The following COX7A2 variants were observed in gnomAD, a reference collection of about 807,000 sequenced individuals.
The protein encoded by COX7A2 is cytochrome c oxidase subunit 7A2.
A neutral mutation model predicts 11.6 loss-of-function variants in COX7A2; 11 were observed. The ratio of observed to expected loss-of-function variants is 0.95; its 90% CI spans 0.60 to 1.57. The LOEUF (loss-of-function observed/expected upper bound fraction) is 1.57, where lower values mean the gene tolerates loss of function less well. Ranked by LOEUF, COX7A2 falls within the 40% of genes most tolerant of loss-of-function variation. The pLI, the probability that COX7A2 is intolerant of heterozygous loss-of-function variation, is 0.00. For synonymous variants in COX7A2, 30 were observed against 38.2 expected (o/e 0.78, Z 0.79); for missense variants, 106 against 100.9 (o/e 1.05, Z -0.22).
At chr6:75,240,419 A>G (rs1440583776) in intron 2 of COX7A2, 34 bp from the exon 3 acceptor site, 1 of 1,401,476 alleles carries the variant, frequency 7.1e-7, no homozygotes, top group Non-Finnish European at 9.8e-7. Context: ...AGACAATAAT[A>G]AATGTCTCAC....
Position 75,237,796 on chromosome 6 carries a change from G to A in COX7A2, c.*134C>T. Reference sequence around the variant, plus strand: ...ATAAAATCAGACAAAGCATGGTAAAGACTGCTTTATTGGTGGCAGTTACTA... The same window carrying A: ...ATAAAATCAGACAAAGCATGGTAAAAACTGCTTTATTGGTGGCAGTTACTA... On this transcript the variant is annotated 3_prime_UTR_variant, in exon 4 of 4. Transcript: ENST00000684430. 2 of 551,148 alleles carry A rather than the reference G, an allele frequency of 3.6e-6. No individual in the cohort carries two copies. Among genetic ancestry groups the A allele is most frequent in the East Asian group, 5.9e-5 (2 of 33,738 alleles). 34.1% of individuals were successfully genotyped at this position (551,148 alleles called of 1,614,324 possible).
intron 3 of COX7A2, among the ~76,000 whole-genome samples, chr6:75,239,725 T>C (rs901200074): frequency 1.3e-5 from 2 of 152,220 alleles, no homozygotes; most frequent in Non-Finnish European, 2.9e-5. Flanking sequence ...GACTGAAATA[T>C]AGCCTTCACT....
upstream of COX7A2, among the ~76,000 whole-genome samples, chr6:75,247,786 C>T (rs1293973820): frequency 3.3e-5 from 5 of 152,046 alleles, no homozygotes; most frequent in Admixed American, 3.3e-4. Context: ...TTATTTAACC[C>T]TGTATATTAT....
At chr6:75,241,583 C>G (rs1771501580) in intron 1 of COX7A2, among the ~76,000 whole-genome samples, 2 of 152,200 alleles carry the variant, frequency 1.3e-5, no homozygotes, top group Non-Finnish European at 2.9e-5. Flanking sequence ...TATTGACATA[C>G]ACATATTACA....
chr6:75,238,003 C>T lies in COX7A2; in HGVS notation c.194-15G>A. On this transcript the variant is annotated splice_polypyrimidine_tract_variant and intron_variant, in intron 3 of 3. Coordinates refer to ENST00000684430, the MANE Select transcript of COX7A2 (RefSeq NM_001366293.2). Reference sequence around the variant, plus strand: ...ATATGCTGTTCCTAAAAATAAAAAACAAAAAAGAACTTAACCATAAATTCT... The same window carrying T: ...ATATGCTGTTCCTAAAAATAAAAAATAAAAAAGAACTTAACCATAAATTCT... The T allele has an allele frequency of 6.7e-7, 1 of 1,495,508 alleles. No homozygotes were observed. The allele number at this position is 1,495,508 out of a possible 1,614,324, so 92.6% of individuals were successfully genotyped here. A position where few individuals can be genotyped will look rare whatever the true frequency, so the allele number is the denominator to read the frequency against.
chr6:75,242,751 G>A (rs1262098540), intron 1 of COX7A2, among the ~76,000 whole-genome samples: 3 of 151,934 alleles, frequency 2.0e-5, no homozygotes, highest in African/African-American at 4.8e-5. Context: ...ACCTGGAGAC[G>A]GAAATTGCAG....
chr6:75,248,503 C>T (rs533840718), upstream of COX7A2, among the ~76,000 whole-genome samples: 2 of 152,208 alleles, frequency 1.3e-5, no homozygotes, highest in East Asian at 1.9e-4. Flanking sequence ...GGAAGTCCCC[C>T]GCTTTGAGTT....
chr6:75,249,811 C>G (rs1771752234), intron 1 of COX7A2, among the ~76,000 whole-genome samples: 1 of 152,118 alleles, frequency 6.6e-6, no homozygotes, highest in African/African-American at 2.4e-5. Flanking sequence ...AAAATCGGAG[C>G]CCTATTTCAA....
chr6:75,241,229 C>T lies in COX7A2; in HGVS notation c.55G>A (p.Ala19Thr). The change falls in exon 2 of 4, where the codon GCT (alanine) becomes ACT (threonine). Residue 19 changes from alanine to threonine, a missense_variant. Ala to Thr is a moderately conservative substitution (Grantham distance 58). Coordinates refer to ENST00000684430, the MANE Select transcript of COX7A2 (RefSeq NM_001366293.2). Reference sequence around the variant, plus strand: ...TTATTTTTAAAATGCCTGCGGGAAGCAGTGCTTATCGTCCTCTGCCCAATC... The same window carrying T: ...TTATTTTTAAAATGCCTGCGGGAAGTAGTGCTTATCGTCCTCTGCCCAATC... The part of the protein sequence containing the change: ...RQIGQRTIST[A>T]SRRHFKNKVP... The T allele has an allele frequency of 1.3e-6, 2 of 1,590,054 alleles. No homozygotes were observed. Among genetic ancestry groups the T allele is most frequent in the Non-Finnish European group, 1.7e-6 (2 of 1,162,366 alleles).
upstream of COX7A2, among the ~76,000 whole-genome samples, chr6:75,248,502 C>T (rs1771725282): frequency 6.6e-6 from 1 of 152,312 alleles, no homozygotes; most frequent in East Asian, 1.9e-4. Flanking sequence ...TGGAAGTCCC[C>T]CGCTTTGAGT....
At chr6:75,242,439 G>A (rs1418171328) in intron 1 of COX7A2, among the ~76,000 whole-genome samples, 1 of 152,160 alleles carries the variant, frequency 6.6e-6, no homozygotes, top group Non-Finnish European at 1.5e-5. Flanking sequence ...CCAGGAGGCG[G>A]GGTTTGCAGT....
chr6:75,245,083 G>A (rs573366597), upstream of COX7A2, among the ~76,000 whole-genome samples: 10 of 152,310 alleles, frequency 6.6e-5, no homozygotes, highest in South Asian at 2.1e-4. Context: ...TTTCCCAAGC[G>A]CAGAGATGAT....
intron 1 of COX7A2, 29 bp downstream of exon 1, chr6:75,243,688 T>C: frequency 2.5e-6 from 4 of 1,605,440 alleles, no homozygotes; most frequent in Non-Finnish European, 3.4e-6. Context: ...CTCGCCCCCA[T>C]CATGAATGCA....
chr6:75,241,347 A>G, intron 1 of COX7A2, 82 bp from the exon 2 acceptor site: 1 of 1,256,170 alleles, frequency 8.0e-7, no homozygotes, highest in African/African-American at 1.5e-5. Context: ...CATATTATAG[A>G]AAAGGTAAAT....
chr6:75,238,815 CTTT>C (rs544006391), intron 3 of COX7A2, among the ~76,000 whole-genome samples: 1 of 144,346 alleles, frequency 6.9e-6, no homozygotes, highest in Non-Finnish European at 1.5e-5. Flanking sequence ...AGGGCTTTAT[CTTT>C]TTTTTTCTTT....
At chr6:75,250,130 G>C (rs907270725) in exon 1 of COX7A2, 1 of 152,204 alleles carries the variant, frequency 6.6e-6, no homozygotes, top group Non-Finnish European at 1.5e-5. Context: ...GATTATTCCT[G>C]TTTTGACCTT....
At chr6:75,247,177 T>C (rs1350744665), upstream of COX7A2, among the ~76,000 whole-genome samples, 2 of 152,138 alleles carry the variant, frequency 1.3e-5, no homozygotes, top group Non-Finnish European at 2.9e-5. Context: ...TAATTACTGA[T>C]GCAAAGTTAC....
At position 75,243,581 on chromosome 6, in the gene COX7A2, A is replaced by G. The variant is rs557670331; in HGVS notation, c.18+136T>C. The G allele has an allele frequency of 1.1e-4, 84 of 752,548 alleles. No individual in the cohort carries two copies. The South Asian group carries it at 1.3e-3, about 11-fold the overall frequency. 46.6% of individuals were successfully genotyped at this position (752,548 alleles called of 1,614,324 possible). A position where few individuals can be genotyped will look rare whatever the true frequency, so the allele number is the denominator to read the frequency against. On this transcript the variant is annotated intron_variant, in intron 1 of 3. Coordinates refer to ENST00000684430, the MANE Select transcript of COX7A2 (RefSeq NM_001366293.2). ...GACGGAAGGGAAAGTAAGGTCAGGG[A>G]AAAAGGACACGAATCAAGGTGACTT...
chr6:75,243,542 G>A (rs1771589144), intron 1 of COX7A2, among the ~76,000 whole-genome samples, 175 bp downstream of exon 1: 6 of 152,044 alleles, frequency 3.9e-5, no homozygotes, highest in Admixed American at 3.9e-4. Context: ...TAACGGCCTG[G>A]GGCGAGAGGA....
Sources: gnomAD v4.1 joint callset for allele counts (sites outside exome capture counted in the v4.1 genomes callset) on GRCh38, gnomAD v4.1.1 for gene constraint, MANE v1.5 for transcripts, NCBI Gene and HGNC (gene_info 2026-07-23, HGNC 2026-07-21) for gene names.